OTOF: variants seen among roughly 807,000 people sequenced by gnomAD.
OTOF encodes otoferlin, also known as fer-1-like family member 2.
OTOF carries 218 observed loss-of-function variants against 236.8 expected under a neutral mutation model. That is an observed-to-expected ratio of 0.92 (90% CI 0.82 to 1.03). The LOEUF (loss-of-function observed/expected upper bound fraction) is 1.03. Ranked by LOEUF, OTOF falls within the 50% of genes least tolerant of loss-of-function variation. The probability of loss-of-function intolerance (pLI) is 0.00; values close to 1 mark genes in which losing one functional copy is unlikely to be tolerated. For missense variants in OTOF, 2,590 were observed against 2,694.4 expected (o/e 0.96, Z 0.86); for synonymous variants, 1,041 against 1,072.5 (o/e 0.97, Z 0.57).
chr2:26,467,310 G>T, intron 34 of OTOF, 55 bp downstream of exon 34: 2 of 1,613,404 alleles, frequency 1.2e-6, no homozygotes, highest in Non-Finnish European at 8.5e-7. Flanking sequence ...GGATCACTGC[G>T]CCCCCCTCTT....
Position 26,467,001 on chromosome 2 carries a change from G to A in OTOF, c.4362+98C>T, listed in dbSNP as rs534240763. On this transcript the variant is annotated intron_variant, in intron 35 of 46. Coordinates refer to ENST00000272371, the MANE Select transcript of OTOF (RefSeq NM_194248.3). ...CATGGGAGAGTCCAGGGCTTCTGGA[G>A]GCAGTGGCCGGGGCAGTGGTGGGAG... 5 of 1,566,698 alleles carry A rather than the reference G, an allele frequency of 3.2e-6. No individual in the cohort carries two copies. In the African/African-American group the frequency reaches 5.4e-5, roughly 17 times the overall value.
intron 1 of OTOF, among the ~76,000 whole-genome samples, chr2:26,538,679 T>C (rs1239065475): frequency 6.6e-6 from 1 of 152,258 alleles, no homozygotes; most frequent in Non-Finnish European, 1.5e-5. Context: ...CTGGAGTCTC[T>C]GATGTTCTAG....
chr2:26,463,928 A>G (rs1217140497), intron 40 of OTOF, 36 bp downstream of exon 40: 1 of 1,612,866 alleles, frequency 6.2e-7, no homozygotes, highest in African/African-American at 1.3e-5. Flanking sequence ...GGTCCCCAAT[A>G]CCCAAGAACC....
At chr2:26,483,092 T>G (rs1370549826) in intron 13 of OTOF, among the ~76,000 whole-genome samples, 2 of 149,624 alleles carry the variant, frequency 1.3e-5, no homozygotes, top group Non-Finnish European at 3.0e-5. Flanking sequence ...TGGGTGCATG[T>G]GTGTGTGTAT....
In OTOF at chr2:26,477,358, G is replaced by A. The variant is rs1487407987; in HGVS notation, c.2406+58C>T. Reference sequence around the variant, plus strand: ...CTCGGGCCATGACAAAGGGGGTTGTGACACCTTCTCACAACCAGGCCCTCC... The same window carrying A: ...CTCGGGCCATGACAAAGGGGGTTGTAACACCTTCTCACAACCAGGCCCTCC... On this transcript the variant is annotated intron_variant, in intron 20 of 46. Coordinates refer to ENST00000272371, the MANE Select transcript of OTOF (RefSeq NM_194248.3). The surrounding 1 kb of genome is among the most constrained non-coding windows in gnomAD (Gnocchi z 4.7). 2 of 1,579,294 alleles carry A rather than the reference G, an allele frequency of 1.3e-6. No individual in the cohort carries two copies. The highest frequency in any genetic ancestry group is 1.3e-5 in the African/African-American group (1 of 74,242).
intron 23 of OTOF, 21 bp downstream of exon 23, chr2:26,476,107 G>C: frequency 3.7e-6 from 6 of 1,611,110 alleles, no homozygotes; most frequent in Middle Eastern, 1.7e-4. Flanking sequence ...GTGAGGCTTC[G>C]AGTGAGGGGT....
In OTOF at chr2:26,472,659, T is replaced by G. The variant is rs73920284; in HGVS notation, c.3734-10A>C. ...CGCCGGAGAAGCCTGACTGGACAGA[T>G]GGATAGATGGACAGACAGGCAGAGG... is the stretch of plus-strand genomic sequence containing the variant. On this transcript the variant is annotated splice_polypyrimidine_tract_variant and intron_variant, in intron 29 of 46. Transcript: ENST00000272371. 4.9e-4 allele frequency: 785 copies of G among 1,612,350 alleles called. 5 individuals are homozygous for G. In the African/African-American group the frequency reaches 9.7e-3, roughly 20 times the overall value.
chr2:26,527,695 C>T (rs1308632801), intron 3 of OTOF, 137 bp downstream of exon 3: 37 of 736,256 alleles, frequency 5.0e-5, no homozygotes, highest in Admixed American at 1.6e-4. Flanking sequence ...AAGATTTCTT[C>T]GGTCTTTGAA....
intron 2 of OTOF, 43 bp from the exon 3 acceptor site, chr2:26,527,963 G>A (rs373064987): frequency 2.9e-6 from 4 of 1,398,262 alleles, no homozygotes; most frequent in Non-Finnish European, 4.1e-6. Flanking sequence ...GCAATAACAG[G>A]TAGGAGCCGT....
Position 26,461,108 on chromosome 2 carries a change from G to GAGATCGGAA in OTOF, c.5534-79_5534-78insTTCCGATCT. 1 of 1,144,022 alleles carries GAGATCGGAA rather than the reference G, an allele frequency of 8.7e-7. No homozygotes were observed. The highest frequency in any genetic ancestry group is 1.3e-6 in the Non-Finnish European group (1 of 790,688). 70.9% of individuals were successfully genotyped at this position (1,144,022 alleles called of 1,614,324 possible). The stretch of plus-strand genomic sequence containing the variant: ...GTGGGGGTGGGGGTCTGGGCTCCTC[G>GAGATCGGAA]GCCCCTTGTTTGCTGAGTGCAGACC... On this transcript the variant is annotated intron_variant, in intron 43 of 46. Transcript: ENST00000272371. This position sits in a 1 kb window ranked among gnomAD's most constrained non-coding sequence, Gnocchi z 6.2.
chr2:26,500,375 T>C (rs1666087314), intron 8 of OTOF, among the ~76,000 whole-genome samples: 1 of 152,194 alleles, frequency 6.6e-6, no homozygotes, highest in African/African-American at 2.4e-5. Context: ...CAATAATGAC[T>C]CTATTTTTGA....
At position 26,480,203 on chromosome 2, in the gene OTOF, C is replaced by A. The variant is rs1131691297; in HGVS notation, c.1912G>T (p.Gly638Cys). 6.3e-7 allele frequency: 1 copy of A among 1,597,640 alleles called. No homozygotes were observed. Among genetic ancestry groups the A allele is most frequent in the Admixed American group, 1.7e-5 (1 of 60,004 alleles). Residue 638 changes from glycine (G) to cysteine (C), a missense_variant and splice_region_variant, in exon 16 of 47, where the codon GGC (glycine) becomes TGC (cysteine). Transcript: ENST00000272371. ...DKPITFEVTI[G>C]NYGNEVDGLS... ...AAGCCCCCGTGGGCCCAGCACTCAC[C>A]TATGGTGACCTCAAAGGTGATGGGC...
intron 2 of OTOF, 145 bp from the exon 3 acceptor site, chr2:26,528,065 C>T: frequency 1.4e-6 from 1 of 700,174 alleles, no homozygotes; most frequent in South Asian, 1.5e-5. Flanking sequence ...AAAGCATTGA[C>T]ACCTGGAATC....
intron 31 of OTOF, 106 bp downstream of exon 31, chr2:26,471,014 CG>C: frequency 1.4e-6 from 2 of 1,416,706 alleles, no homozygotes; most frequent in Middle Eastern, 1.8e-4. Context: ...CCCAAGCATG[CG>C]GGGGCTGGGG....
At chr2:26,486,992 C>G (rs1395955025) in intron 11 of OTOF, among the ~76,000 whole-genome samples, 1 of 152,174 alleles carries the variant, frequency 6.6e-6, no homozygotes, top group Non-Finnish European at 1.5e-5. Flanking sequence ...GTGTATGCCC[C>G]TGACTTCCTC....
At chr2:26,522,929 G>T (rs1433571908) in intron 3 of OTOF, among the ~76,000 whole-genome samples, 1 of 152,254 alleles carries the variant, frequency 6.6e-6, no homozygotes, top group Non-Finnish European at 1.5e-5. Context: ...CCCACGAGGG[G>T]CTGGGCGGCT....
chr2:26,519,909 T>G (rs184095633), intron 3 of OTOF, among the ~76,000 whole-genome samples: 1 of 152,240 alleles, frequency 6.6e-6, no homozygotes, highest in Admixed American at 6.5e-5. Context: ...ATTCATGTAC[T>G]GCCTCTAAAC....
chr2:26,510,820 C>T, intron 5 of OTOF: 1 of 1,073,292 alleles, frequency 9.3e-7, no homozygotes, highest in African/African-American at 1.6e-5. Context: ...ACACTGGCCT[C>T]AGCCCCGGCC....
At chr2:26,517,535 G>T (rs1666564367) in intron 4 of OTOF, among the ~76,000 whole-genome samples, 1 of 152,140 alleles carries the variant, frequency 6.6e-6, no homozygotes. Flanking sequence ...AAGTCACACA[G>T]CTAGGAAGTA....
Sources: gnomAD v4.1 joint callset for allele counts (sites outside exome capture counted in the v4.1 genomes callset) on GRCh38, gnomAD v4.1.1 for gene constraint, Gnocchi (gnomAD v3.1) non-coding constraint, MANE v1.5 for transcripts, NCBI Gene and HGNC (gene_info 2026-07-23, HGNC 2026-07-21) for gene names.